SLC25A30: variants seen among roughly 807,000 people sequenced by gnomAD.
SLC25A30 encodes kidney mitochondrial carrier protein 1.
Under a neutral mutation model 42.7 loss-of-function variants are expected in SLC25A30, and 29 were observed. The observed-to-expected ratio is 0.68, with a 90% CI of 0.51 to 0.93. SLC25A30 has a LOEUF of 0.93. Among genes scored for constraint, SLC25A30 ranks in the 40% least tolerant of loss-of-function variants. The pLI is 0.00. For synonymous variants in SLC25A30, 124 were observed against 131.0 expected (o/e 0.95, Z 0.37); for missense variants, 300 against 359.7 (o/e 0.83, Z 1.34).
upstream of SLC25A30, among the ~76,000 whole-genome samples, chr13:45,419,868 T>C (rs1883838677): frequency 6.8e-6 from 1 of 147,194 alleles, no homozygotes; most frequent in Non-Finnish European, 1.5e-5. Flanking sequence ...AGGTGGAGGT[T>C]GAGGTGAGCC....
chr13:45,404,554 C>T, intron 4 of SLC25A30, 142 bp from the exon 5 acceptor site: 1 of 651,470 alleles, frequency 1.5e-6, no homozygotes, highest in Non-Finnish European at 2.7e-6. Context: ...CATGGTAGCT[C>T]ACATCTGTAA....
chr13:45,415,851 G>A (rs1883480578), intron 1 of SLC25A30, among the ~76,000 whole-genome samples: 1 of 139,914 alleles, frequency 7.1e-6, no homozygotes, highest in Non-Finnish European at 1.5e-5. Flanking sequence ...CCAGGCTGGA[G>A]TGCGGTGGTG....
the SLC25A30 span, among the ~76,000 whole-genome samples, chr13:45,425,854 A>G: frequency 1.4e-5 from 2 of 145,536 alleles, no homozygotes; most frequent in African/African-American, 5.0e-5. Flanking sequence ...CAGCATGCCC[A>G]GGTAATTTTT....
At chr13:45,411,510 T>A in intron 1 of SLC25A30, 30 bp from the exon 2 acceptor site, 1 of 1,384,220 alleles carries the variant, frequency 7.2e-7, no homozygotes, top group Non-Finnish European at 1.0e-6. Flanking sequence ...ATTATCAAGC[T>A]GTAACTTCTC....
At position 45,393,432 on chromosome 13, in the gene SLC25A30, A is replaced by C. The variant is rs945247424; in HGVS notation, c.*2542T>G. On this transcript the variant is annotated 3_prime_UTR_variant, in exon 10 of 10. Coordinates refer to ENST00000519676, the MANE Select transcript of SLC25A30 (RefSeq NM_001010875.4). ...ATATAAAGGCTTATGAAAACTTCAT[A>C]CTCTTTATATAATGCATACTATTTC... is the stretch of plus-strand genomic sequence containing the variant. The C allele has an allele frequency of 2.0e-6, 2 of 983,626 alleles. No homozygotes were observed. The highest frequency in any genetic ancestry group is 2.4e-6 in the Non-Finnish European group (2 of 828,284). 60.9% of individuals were successfully genotyped at this position (983,626 alleles called of 1,614,324 possible).
chr13:45,393,453 A>G lies in SLC25A30; in HGVS notation c.*2521T>C. 1.0e-6 allele frequency: 1 copy of G among 983,658 alleles called. No individual in the cohort carries two copies. Among genetic ancestry groups the G allele is most frequent in the Non-Finnish European group, 1.2e-6 (1 of 828,378 alleles). 60.9% of individuals were successfully genotyped at this position (983,658 alleles called of 1,614,324 possible). A position where few individuals can be genotyped will look rare whatever the true frequency, so the allele number is the denominator to read the frequency against. ...TCATACTCTTTATATAATGCATACT[A>G]TTTCTAGCACATGAATAAATATAAA... On this transcript the variant is annotated 3_prime_UTR_variant, in exon 10 of 10. Coordinates refer to ENST00000519676, the MANE Select transcript of SLC25A30 (RefSeq NM_001010875.4).
intron 9 of SLC25A30, chr13:45,396,233 C>T (rs1881306940): frequency 7.1e-7 from 1 of 1,416,776 alleles, no homozygotes; most frequent in East Asian, 2.6e-5. Flanking sequence ...TGTAAATCCC[C>T]TGGTATCAGC....
intron 3 of SLC25A30, among the ~76,000 whole-genome samples, chr13:45,407,836 G>A (rs537198599): frequency 2.0e-5 from 3 of 152,150 alleles, no homozygotes; most frequent in Admixed American, 1.3e-4. Context: ...CCTTCTACCC[G>A]CTTCATGTAT....
chr13:45,396,294 T>G, intron 9 of SLC25A30: 1 of 1,304,330 alleles, frequency 7.7e-7, no homozygotes, highest in Non-Finnish European at 9.8e-7. Context: ...TTTGCTGTGG[T>G]GGAAAAACTT....
At chr13:45,410,691 A>C (rs117200498) in intron 2 of SLC25A30, among the ~76,000 whole-genome samples, 1 of 152,150 alleles carries the variant, frequency 6.6e-6, no homozygotes, top group African/African-American at 2.4e-5. Flanking sequence ...GCACATCTGT[A>C]GTCTCACCTA....
chr13:45,406,323 C>T (rs1290164060), intron 3 of SLC25A30, among the ~76,000 whole-genome samples: 2 of 152,062 alleles, frequency 1.3e-5, no homozygotes, highest in Admixed American at 6.5e-5. Context: ...CCTCAGGCCT[C>T]GGCCTCCCAA....
rs886142375 is a variant in SLC25A30, at chr13:45,394,301, C to T, written c.*1673G>A. On this transcript the variant is annotated 3_prime_UTR_variant, in exon 10 of 10. Transcript: ENST00000519676. ...TCTTTTTGATGACTTTGTCTTAGCT[C>T]TCACTTTTGGAAATAATATTCAAAG... 9.4e-5 allele frequency: 85 copies of T among 902,900 alleles called. No individual in the cohort carries two copies. Among genetic ancestry groups the T allele is most frequent in the Non-Finnish European group, 1.1e-4 (85 of 764,210 alleles). The allele number at this position is 902,900 out of a possible 1,614,324, so 55.9% of individuals were successfully genotyped here. A position where few individuals can be genotyped will look rare whatever the true frequency, so the allele number is the denominator to read the frequency against.
In SLC25A30 at chr13:45,411,450, T is replaced by A; in HGVS notation, c.-25A>T. ...TTCTCACACTGTCTCTTCTTTGATT[T>A]ATAGAAACATTGCCTCCAGTGCTGT... On this transcript the variant is annotated 5_prime_UTR_variant, in exon 2 of 10. An upstream open reading frame in the 5' UTR loses its in-frame stop. Transcript: ENST00000519676. 6.2e-7 allele frequency: 1 copy of A among 1,613,414 alleles called. No individual in the cohort carries two copies. Among genetic ancestry groups the A allele is most frequent in the Non-Finnish European group, 8.5e-7 (1 of 1,179,472 alleles).
At chr13:45,423,741 A>AATATGTAAAT in the SLC25A30 span, among the ~76,000 whole-genome samples, 2 of 19,640 alleles carry the variant, frequency 1.0e-4, 1 homozygote, top group Non-Finnish European at 1.6e-4. Context: ...AATATATATA[A>AATATGTAAAT]ATATATAAAT....
the SLC25A30 span, among the ~76,000 whole-genome samples, chr13:45,425,781 C>G: frequency 4.1e-5 from 6 of 145,830 alleles, no homozygotes; most frequent in African/African-American, 1.0e-4. Context: ...CCGTCTCCAC[C>G]TCCTGAATTC....
chr13:45,423,614 T>G, the SLC25A30 span, among the ~76,000 whole-genome samples: 3 of 98,686 alleles, frequency 3.0e-5, no homozygotes, highest in Admixed American at 3.0e-4. Flanking sequence ...TAAATATATA[T>G]AAAATATATA....
At chr13:45,431,801 C>T in the SLC25A30 span, among the ~76,000 whole-genome samples, 16 of 152,152 alleles carry the variant, frequency 1.1e-4, no homozygotes, top group African/African-American at 3.4e-4. Context: ...CTTAGTACAC[C>T]TAATAGAGCC....
At chr13:45,401,992 G>A (rs967577244) in intron 6 of SLC25A30, among the ~76,000 whole-genome samples, 2 of 150,186 alleles carry the variant, frequency 1.3e-5, no homozygotes, top group African/African-American at 4.9e-5. Context: ...CTCAGGAGGT[G>A]GAGGTTGCAG....
the SLC25A30 span, among the ~76,000 whole-genome samples, chr13:45,427,249 G>A: frequency 6.6e-6 from 1 of 152,080 alleles, no homozygotes; most frequent in Non-Finnish European, 1.5e-5. Context: ...TCAATCCTCT[G>A]TCTCTCCCGA....
Sources: allele counts gnomAD v4.1 joint callset (sites outside exome capture counted in the v4.1 genomes callset), GRCh38; gene constraint gnomAD v4.1.1; transcripts MANE v1.5; gene names NCBI Gene and HGNC (gene_info 2026-07-23, HGNC 2026-07-21).